Variants in CDK14 observed in about 807,000 individuals in gnomAD.
CDK14 encodes cyclin dependent kinase 14.
Under a neutral mutation model 60.7 loss-of-function variants are expected in CDK14, and 34 were observed. The ratio of observed to expected loss-of-function variants is 0.56; its 90% CI spans 0.43 to 0.75. The LOEUF is 0.75. Ranked by LOEUF, CDK14 falls within the 30% of genes least tolerant of loss-of-function variation. The probability of loss-of-function intolerance (pLI) is 0.00; values close to 1 mark genes in which losing one functional copy is unlikely to be tolerated. For missense variants in CDK14, 482 were observed against 564.1 expected (o/e 0.85, Z 1.47); for synonymous variants, 197 against 203.7 (o/e 0.97, Z 0.28).
intron 8 of CDK14, among the ~76,000 whole-genome samples, chr7:90,938,772 A>G (rs181530565): frequency 3.9e-5 from 6 of 152,348 alleles, no homozygotes; most frequent in African/African-American, 1.4e-4. Flanking sequence ...TATAAAGGAT[A>G]TCTTTTAAAA....
chr7:90,886,130 G>A (rs1791939316), intron 6 of CDK14, among the ~76,000 whole-genome samples: 1 of 151,790 alleles, frequency 6.6e-6, no homozygotes, highest in Non-Finnish European at 1.5e-5. Flanking sequence ...TTTGAATCTG[G>A]CTTTTTAATA....
intron 10 of CDK14, among the ~76,000 whole-genome samples, chr7:91,006,406 C>A (rs1044096500): frequency 4.6e-5 from 7 of 152,160 alleles, no homozygotes; most frequent in Admixed American, 4.6e-4. Context: ...TGCTCATTTT[C>A]TTTTTTCAGA....
At chr7:90,758,161 T>G (rs1804160063) in intron 4 of CDK14, among the ~76,000 whole-genome samples, 1 of 152,218 alleles carries the variant, frequency 6.6e-6, no homozygotes, top group Non-Finnish European at 1.5e-5. Flanking sequence ...AAGAAAAAGC[T>G]TTGAACTTAC....
At chr7:90,626,538 C>T (rs935718152) in intron 2 of CDK14, among the ~76,000 whole-genome samples, 43 of 152,196 alleles carry the variant, frequency 2.8e-4, no homozygotes, top group African/African-American at 9.9e-4. Context: ...ATAATCTAAA[C>T]TGAAGATTGA....
chr7:90,988,867 C>T (rs1465829721), intron 10 of CDK14, among the ~76,000 whole-genome samples: 1 of 152,102 alleles, frequency 6.6e-6, no homozygotes, highest in Non-Finnish European at 1.5e-5. Flanking sequence ...TCCTTGTCTC[C>T]TGGGTCTCCT....
At chr7:90,879,533 C>A (rs1791672975) in intron 6 of CDK14, among the ~76,000 whole-genome samples, 1 of 152,034 alleles carries the variant, frequency 6.6e-6, no homozygotes, top group Non-Finnish European at 1.5e-5. Flanking sequence ...CCTTCACTGG[C>A]AGCCATGGTA....
intron 4 of CDK14, among the ~76,000 whole-genome samples, chr7:90,769,909 C>G (rs1804718410): frequency 6.6e-6 from 1 of 152,222 alleles, no homozygotes; most frequent in African/African-American, 2.4e-5. Flanking sequence ...TTTATTGAAG[C>G]CAACTTGTGT....
At chr7:90,638,293 G>A (rs945251426) in intron 2 of CDK14, among the ~76,000 whole-genome samples, 13 of 152,126 alleles carry the variant, frequency 8.5e-5, no homozygotes, top group African/African-American at 3.1e-4. Context: ...CATGTTTTGT[G>A]CTTCCTTCGG....
At chr7:90,672,050 G>A (rs778007974) in intron 2 of CDK14, among the ~76,000 whole-genome samples, 5 of 152,172 alleles carry the variant, frequency 3.3e-5, no homozygotes, top group Non-Finnish European at 5.9e-5. Context: ...AACTTTTGGA[G>A]TTGCCTGGAG....
chr7:90,651,197 G>A (rs189833593), intron 2 of CDK14, among the ~76,000 whole-genome samples: 116 of 152,152 alleles, frequency 7.6e-4, no homozygotes, highest in African/African-American at 2.5e-3. Flanking sequence ...GGATTCCTAG[G>A]TATTTTATTC....
chr7:90,904,063 T>C (rs1284619937), intron 7 of CDK14, among the ~76,000 whole-genome samples: 2 of 151,992 alleles, frequency 1.3e-5, no homozygotes, highest in Non-Finnish European at 2.9e-5. Context: ...TGGCTTCCAT[T>C]GCTCCTCAGT....
intron 5 of CDK14, among the ~76,000 whole-genome samples, chr7:90,820,395 T>G (rs546388608): frequency 6.6e-6 from 1 of 152,250 alleles, no homozygotes; most frequent in Admixed American, 6.5e-5. Flanking sequence ...AGGGGCCTGG[T>G]GGGAGATGAT....
intron 7 of CDK14, among the ~76,000 whole-genome samples, chr7:90,904,235 T>G (rs1360864271): frequency 6.6e-6 from 1 of 152,140 alleles, no homozygotes; most frequent in Non-Finnish European, 1.5e-5. Flanking sequence ...GTGAAGGATC[T>G]GATCATTCCA....
At chr7:90,633,434 G>A (rs1800051170) in intron 2 of CDK14, among the ~76,000 whole-genome samples, 2 of 152,228 alleles carry the variant, frequency 1.3e-5, no homozygotes, top group African/African-American at 2.4e-5. Context: ...TTGGGTCAGT[G>A]GTGTTAACTA....
At chr7:90,760,353 G>A (rs1804265258) in intron 4 of CDK14, among the ~76,000 whole-genome samples, 1 of 152,170 alleles carries the variant, frequency 6.6e-6, no homozygotes, top group Non-Finnish European at 1.5e-5. Context: ...ACTATCAGGA[G>A]GAGTTTGAAG....
intron 8 of CDK14, among the ~76,000 whole-genome samples, chr7:90,940,707 G>A (rs1003213454): frequency 6.6e-6 from 1 of 152,016 alleles, no homozygotes; most frequent in Non-Finnish European, 1.5e-5. Flanking sequence ...GGTCGCTTGA[G>A]CCCGGGAGGT....
intron 2 of CDK14, among the ~76,000 whole-genome samples, chr7:90,611,680 A>G (rs1382841694): frequency 6.6e-6 from 1 of 152,170 alleles, no homozygotes; most frequent in East Asian, 1.9e-4. Context: ...CTCCAACAGA[A>G]TGATGGGTCT....
chr7:90,797,346 A>G (rs554719686), intron 5 of CDK14, among the ~76,000 whole-genome samples: 15 of 151,842 alleles, frequency 9.9e-5, no homozygotes, highest in Admixed American at 3.9e-4. Context: ...TCTGCATCCA[A>G]ATTTTCTCTT....
At chr7:90,793,977 A>G (rs572180094) in intron 5 of CDK14, among the ~76,000 whole-genome samples, 1 of 152,180 alleles carries the variant, frequency 6.6e-6, no homozygotes, top group Non-Finnish European at 1.5e-5. Flanking sequence ...CACGATATTC[A>G]ACATGAGTCC....
Sources: gnomAD v4.1 joint callset for allele counts (sites outside exome capture counted in the v4.1 genomes callset) on GRCh38, gnomAD v4.1.1 for gene constraint, MANE v1.5 for transcripts, NCBI Gene and HGNC (gene_info 2026-07-23, HGNC 2026-07-21) for gene names.